Variants in CHST11 observed in about 807,000 individuals in gnomAD.
CHST11 encodes C4S-1.
In CHST11, 9 loss-of-function variants were observed where a neutral mutation model predicts 30.4. The observed-to-expected ratio is 0.30, with a 90% CI of 0.18 to 0.52. The LOEUF is 0.52. CHST11 is among the 20% of genes least tolerant of loss of function. The pLI is 0.97. For synonymous variants in CHST11, 152 were observed against 187.8 expected (o/e 0.81, Z 1.56); for missense variants, 348 against 460.6 (o/e 0.76, Z 2.24).
intron 1 of CHST11, among the ~76,000 whole-genome samples, chr12:104,588,069 A>G (rs1457707908): frequency 1.3e-5 from 2 of 152,074 alleles, no homozygotes; most frequent in Non-Finnish European, 1.5e-5. Context: ...AAACATCTCT[A>G]TACTTATTTT....
At chr12:104,495,498 A>ATT (rs150918318) in intron 1 of CHST11, among the ~76,000 whole-genome samples, 3 of 151,046 alleles carry the variant, frequency 2.0e-5, no homozygotes, top group African/African-American at 7.3e-5. Context: ...TTCTAATTTT[A>ATT]TTTTTTTTTG....
chr12:104,644,259 G>T (rs2039405735), intron 2 of CHST11, among the ~76,000 whole-genome samples: 1 of 152,120 alleles, frequency 6.6e-6, no homozygotes, highest in African/African-American at 2.4e-5. Context: ...CCCTGCATCT[G>T]GGTGGACTCC....
At chr12:104,628,480 G>T (rs562281999) in intron 2 of CHST11, among the ~76,000 whole-genome samples, 1 of 152,220 alleles carries the variant, frequency 6.6e-6, no homozygotes, top group African/African-American at 2.4e-5. Context: ...TCCTCAGAAA[G>T]CAGAAATTTT....
intron 1 of CHST11, among the ~76,000 whole-genome samples, chr12:104,460,972 G>A (rs2037402598): frequency 6.6e-6 from 1 of 152,116 alleles, no homozygotes; most frequent in Non-Finnish European, 1.5e-5. Flanking sequence ...GACAACAGTG[G>A]GTTCTCAATA....
chr12:104,730,782 C>T (rs772813565), intron 2 of CHST11, among the ~76,000 whole-genome samples: 21 of 152,308 alleles, frequency 1.4e-4, no homozygotes, highest in Non-Finnish European at 2.9e-4. Context: ...CCACACTGTT[C>T]ATCTCTAGGA....
At chr12:104,725,818 C>T (rs1326619295) in intron 2 of CHST11, among the ~76,000 whole-genome samples, 1 of 151,994 alleles carries the variant, frequency 6.6e-6, no homozygotes, top group Non-Finnish European at 1.5e-5. Context: ...CCACACAGGA[C>T]GGATGGTCCG....
intron 2 of CHST11, among the ~76,000 whole-genome samples, chr12:104,620,380 C>T (rs1263147558): frequency 6.6e-6 from 1 of 152,180 alleles, no homozygotes; most frequent in Non-Finnish European, 1.5e-5. Flanking sequence ...CAGCTGACAT[C>T]CAATTATTCA....
chr12:104,514,023 T>TA (rs1445318947), intron 1 of CHST11: 12 of 812,752 alleles, frequency 1.5e-5, no homozygotes, highest in African/African-American at 1.3e-4. Context: ...AGTGCAGACT[T>TA]AAAAAATGCA....
At chr12:104,475,032 CTTAGACTAT>C (rs965640618) in intron 1 of CHST11, among the ~76,000 whole-genome samples, 3 of 152,190 alleles carry the variant, frequency 2.0e-5, no homozygotes, top group African/African-American at 4.8e-5. Context: ...CAGTTGACTA[CTTAGACTAT>C]TTAGACTATT....
intron 1 of CHST11, among the ~76,000 whole-genome samples, chr12:104,465,270 T>C (rs1157757733): frequency 6.6e-6 from 1 of 152,228 alleles, no homozygotes; most frequent in Non-Finnish European, 1.5e-5. Context: ...TGTCCAAGTC[T>C]TTTTAACTTT....
intron 1 of CHST11, among the ~76,000 whole-genome samples, chr12:104,473,500 T>TGCC (rs1347371121): frequency 6.6e-6 from 1 of 152,152 alleles, no homozygotes; most frequent in Non-Finnish European, 1.5e-5. Context: ...GCTGTTGGGC[T>TGCC]GCCCTAGAGA....
chr12:104,749,718 C>T (rs182274083), intron 2 of CHST11, among the ~76,000 whole-genome samples: 242 of 152,284 alleles, frequency 1.6e-3, no homozygotes, highest in Non-Finnish European at 2.6e-3. Flanking sequence ...GCTCAGGGAA[C>T]GTGTTAGTTG....
intron 2 of CHST11, among the ~76,000 whole-genome samples, chr12:104,715,102 C>T (rs1380105956): frequency 2.6e-5 from 4 of 152,164 alleles, no homozygotes; most frequent in African/African-American, 4.8e-5. Flanking sequence ...TGGTGGCTCA[C>T]GCCTGTAATC....
At chr12:104,641,647 A>G (rs919477893) in intron 2 of CHST11, among the ~76,000 whole-genome samples, 1 of 152,168 alleles carries the variant, frequency 6.6e-6, no homozygotes, top group Non-Finnish European at 1.5e-5. Flanking sequence ...GAAGCTCTAT[A>G]TACTTTCCAC....
At chr12:104,540,931 G>A (rs1211534065) in intron 1 of CHST11, among the ~76,000 whole-genome samples, 11 of 152,160 alleles carry the variant, frequency 7.2e-5, no homozygotes, top group Non-Finnish European at 1.3e-4. Flanking sequence ...TAAGGTTGGG[G>A]TCAGGTCAGA....
At chr12:104,736,936 G>A (rs937622543) in intron 2 of CHST11, among the ~76,000 whole-genome samples, 2 of 152,226 alleles carry the variant, frequency 1.3e-5, no homozygotes, top group Non-Finnish European at 2.9e-5. Flanking sequence ...GAAACCAAGT[G>A]TGGCTTCAGG....
intron 2 of CHST11, among the ~76,000 whole-genome samples, chr12:104,720,869 A>G (rs10861273): frequency 0.4 from 61,547 of 152,004 alleles, 13,304 homozygotes; most frequent in Middle Eastern, 0.53. Context: ...AGCACGTCTT[A>G]TAGACGCCGT....
chr12:104,619,534 C>T (rs563677320), intron 2 of CHST11, among the ~76,000 whole-genome samples: 8 of 152,230 alleles, frequency 5.3e-5, no homozygotes, highest in South Asian at 4.2e-4. Flanking sequence ...GTGTTTCGAG[C>T]GCTCTCTTCT....
intron 1 of CHST11, among the ~76,000 whole-genome samples, chr12:104,509,935 A>C (rs1473575183): frequency 2.6e-5 from 4 of 152,192 alleles, no homozygotes; most frequent in African/African-American, 9.7e-5. Context: ...ACTCTCCTCC[A>C]TTTGGTGTTT....
Sources: gnomAD v4.1 joint callset for allele counts (sites outside exome capture counted in the v4.1 genomes callset) on GRCh38, gnomAD v4.1.1 for gene constraint, MANE v1.5 for transcripts, NCBI Gene and HGNC (gene_info 2026-07-23, HGNC 2026-07-21) for gene names.